BCKDHB: variants seen among roughly 807,000 people sequenced by gnomAD.
The protein encoded by BCKDHB is branched chain keto acid dehydrogenase E1 subunit beta, also known as 2-oxoisovalerate dehydrogenase subunit beta, mitochondrial.
In BCKDHB, 41 loss-of-function variants were observed where a neutral mutation model predicts 48.5. The observed-to-expected ratio is 0.85, with a 90% CI of 0.66 to 1.10. The LOEUF (loss-of-function observed/expected upper bound fraction) is 1.10, where lower values mean the gene tolerates loss of function less well. Ranked by LOEUF, BCKDHB falls within the 50% of genes least tolerant of loss-of-function variation. BCKDHB has a pLI of 0.00. For missense variants in BCKDHB, 496 were observed against 494.2 expected (o/e 1.00, Z -0.03); for synonymous variants, 201 against 174.8 (o/e 1.15, Z -1.18).
At chr6:80,400,419 C>A in the BCKDHB span, among the ~76,000 whole-genome samples, 1 of 151,972 alleles carries the variant, frequency 6.6e-6, no homozygotes, top group Non-Finnish European at 1.5e-5. Context: ...CAGATATGAA[C>A]AGACACTTTT....
the BCKDHB span, among the ~76,000 whole-genome samples, chr6:80,365,497 T>C: frequency 6.6e-6 from 1 of 152,112 alleles, no homozygotes; most frequent in African/African-American, 2.4e-5. Flanking sequence ...TCTCTCCTAC[T>C]TGCGTGTCCG....
the BCKDHB span, among the ~76,000 whole-genome samples, chr6:80,386,580 G>A: frequency 1.9e-4 from 29 of 152,264 alleles, no homozygotes; most frequent in African/African-American, 6.7e-4. Context: ...TAAATGCAAT[G>A]GGAATAATTG....
the BCKDHB span, among the ~76,000 whole-genome samples, chr6:80,464,405 G>A: frequency 1.2e-3 from 187 of 152,204 alleles, no homozygotes; most frequent in African/African-American, 4.2e-3. Flanking sequence ...GGGATTGCAG[G>A]TGTGAGCCAC....
chr6:80,342,634 A>G (rs1338806478), intron 9 of BCKDHB, among the ~76,000 whole-genome samples: 4 of 151,312 alleles, frequency 2.6e-5, no homozygotes, highest in African/African-American at 7.3e-5. Flanking sequence ...AACGAAAAGA[A>G]AAGGAACAAA....
At chr6:80,153,930 A>G (rs576790196) in intron 3 of BCKDHB, among the ~76,000 whole-genome samples, 22 of 152,256 alleles carry the variant, frequency 1.4e-4, no homozygotes, top group Non-Finnish European at 2.6e-4. Flanking sequence ...CAAACTTTCT[A>G]TCTTTATCTC....
chr6:80,124,303 T>C (rs1770213666), intron 1 of BCKDHB, among the ~76,000 whole-genome samples: 1 of 152,208 alleles, frequency 6.6e-6, no homozygotes, highest in Non-Finnish European at 1.5e-5. Context: ...GAAAAGTGCT[T>C]TACTTCCAGT....
chr6:80,212,818 A>G (rs1387627770), intron 8 of BCKDHB, among the ~76,000 whole-genome samples: 3 of 152,210 alleles, frequency 2.0e-5, no homozygotes, highest in African/African-American at 4.8e-5. Context: ...CTCAAATACC[A>G]TTAAGGCCTT....
chr6:80,373,463 T>C, the BCKDHB span, among the ~76,000 whole-genome samples: 1 of 152,160 alleles, frequency 6.6e-6, no homozygotes, highest in African/African-American at 2.4e-5. Context: ...ATTTAGTTCT[T>C]CTAGGCTCTT....
At chr6:80,300,290 G>A (rs988755044) in intron 9 of BCKDHB, among the ~76,000 whole-genome samples, 2 of 152,070 alleles carry the variant, frequency 1.3e-5, no homozygotes, top group South Asian at 2.1e-4. Context: ...GGGCTCAAGC[G>A]ATCCACACAT....
At chr6:80,118,776 CT>C (rs35769953) in intron 1 of BCKDHB, among the ~76,000 whole-genome samples, 68,445 of 150,502 alleles carry the variant, frequency 0.45, 16,748 homozygotes, top group East Asian at 0.7. Flanking sequence ...CAAGGATCCA[CT>C]TTTTTTTTTG....
At chr6:80,292,330 C>G (rs1766965177) in intron 9 of BCKDHB, among the ~76,000 whole-genome samples, 1 of 152,162 alleles carries the variant, frequency 6.6e-6, no homozygotes, top group South Asian at 2.1e-4. Context: ...ACTCACAGTT[C>G]CACATGGCTG....
intron 8 of BCKDHB, among the ~76,000 whole-genome samples, chr6:80,209,844 A>G (rs1380485907): frequency 6.6e-6 from 1 of 152,048 alleles, no homozygotes; most frequent in African/African-American, 2.4e-5. Context: ...GGTGCCAATA[A>G]GAGAGTAAAC....
chr6:80,119,501 G>A (rs1165715861), intron 1 of BCKDHB, among the ~76,000 whole-genome samples: 1 of 152,006 alleles, frequency 6.6e-6, no homozygotes, highest in African/African-American at 2.4e-5. Flanking sequence ...TGTATTTTTG[G>A]TAGAGGATGG....
At chr6:80,299,012 T>C (rs1463687279) in intron 9 of BCKDHB, among the ~76,000 whole-genome samples, 1 of 152,078 alleles carries the variant, frequency 6.6e-6, no homozygotes, top group African/African-American at 2.4e-5. Flanking sequence ...CCAAAGAGAA[T>C]ACCAGTTAAC....
the BCKDHB span, among the ~76,000 whole-genome samples, chr6:80,410,226 G>A: frequency 1.3e-5 from 2 of 152,138 alleles, no homozygotes; most frequent in Non-Finnish European, 2.9e-5. Context: ...GGCTGGATAT[G>A]AGATTCTGGG....
intron 8 of BCKDHB, among the ~76,000 whole-genome samples, chr6:80,231,539 C>G (rs1775925182): frequency 6.6e-6 from 1 of 152,058 alleles, no homozygotes; most frequent in Non-Finnish European, 1.5e-5. Context: ...AAAGAAAAGC[C>G]AAGTGGGCAA....
chr6:80,283,288 G>A (rs1347792179), intron 9 of BCKDHB, among the ~76,000 whole-genome samples: 1 of 151,884 alleles, frequency 6.6e-6, no homozygotes, highest in East Asian at 1.9e-4. Flanking sequence ...CCTCTTTTTG[G>A]TATTGAATTT....
chr6:80,249,478 A>G (rs2127932221), intron 8 of BCKDHB, among the ~76,000 whole-genome samples: 1 of 152,322 alleles, frequency 6.6e-6, no homozygotes, highest in African/African-American at 2.4e-5. Flanking sequence ...GATGCAAATT[A>G]AATTTTGTTT....
the BCKDHB span, among the ~76,000 whole-genome samples, chr6:80,445,056 T>A: frequency 6.6e-6 from 1 of 152,190 alleles, no homozygotes; most frequent in African/African-American, 2.4e-5. Context: ...AAGGTACATT[T>A]GAAAGTATTA....
Sources: allele counts gnomAD v4.1 joint callset (sites outside exome capture counted in the v4.1 genomes callset), GRCh38; gene constraint gnomAD v4.1.1; transcripts MANE v1.5; gene names NCBI Gene and HGNC (gene_info 2026-07-23, HGNC 2026-07-21).